The following CCSER1 variants were observed in gnomAD, a reference collection of about 807,000 sequenced individuals.
The protein encoded by CCSER1 is serine-rich coiled-coil domain-containing protein 1.
A neutral mutation model predicts 82.0 loss-of-function variants in CCSER1; 41 were observed. That is an observed-to-expected ratio of 0.50 (90% CI 0.39 to 0.65). The LOEUF is 0.65. Among genes scored for constraint, CCSER1 ranks in the 30% least tolerant of loss-of-function variants. CCSER1 has a pLI of 0.00. For missense variants in CCSER1, 1,119 were observed against 1,064.2 expected, an observed-to-expected ratio of 1.05 and a Z score of -0.72; for synonymous variants, 414 against 383.9, an observed-to-expected ratio of 1.08 and a Z score of -0.92.
Position 91,273,819 on chromosome 4 carries a change from C to A in CCSER1, c.2217+187825C>A, listed in dbSNP as rs576638381. ...TGAGAGTTTTAATCATAAAAGGATG[C>A]TAGATTTTGTTGAATGCCTTGTCTT... On this transcript the variant is annotated intron_variant, in intron 10 of 10. Transcript: ENST00000509176. Among the ~76,000 whole-genome samples, 142 of 152,204 alleles carry A rather than the reference C, an allele frequency of 9.3e-4. 2 individuals are homozygous for A. The highest frequency in any genetic ancestry group is 3.2e-3 in the African/African-American group (135 of 41,542).
intron 1 of CCSER1, among the ~76,000 whole-genome samples, chr4:90,170,817 G>C (rs921179678): frequency 6.6e-6 from 1 of 151,640 alleles, no homozygotes; most frequent in Non-Finnish European, 1.5e-5. Flanking sequence ...GAATAGTACT[G>C]CAATAAACAT....
At position 91,068,928 on chromosome 4, in the gene CCSER1, A is replaced by AT. The variant is rs1345419057; in HGVS notation, c.2173-17021dup. ...CCAGGCATGGTGGCTCATGCCTGTA[A>AT]TCCCAGCACTTTGGGAGGCTGAAGC... On this transcript the variant is annotated intron_variant, in intron 9 of 10. Transcript: ENST00000509176. 7.2e-5 allele frequency among the ~76,000 whole-genome samples: 11 copies of AT among 152,324 alleles called. No individual in the cohort carries two copies. The South Asian group carries it at 1.2e-3, about 17-fold the overall frequency.
intron 1 of CCSER1, among the ~76,000 whole-genome samples, chr4:90,240,246 G>T (rs533207140): frequency 6.6e-6 from 1 of 152,274 alleles, no homozygotes; most frequent in African/African-American, 2.4e-5. Context: ...GGGGCCTGTA[G>T]TGGACTCAGT....
chr4:91,090,589 C>T (rs1425269706), intron 10 of CCSER1, among the ~76,000 whole-genome samples: 1 of 152,128 alleles, frequency 6.6e-6, no homozygotes, highest in Non-Finnish European at 1.5e-5. Context: ...CAGGGTGGTT[C>T]TTTTGGGCTG....
intron 1 of CCSER1, among the ~76,000 whole-genome samples, chr4:90,262,325 T>C (rs76414378): frequency 0.023 from 3,529 of 152,238 alleles, 54 homozygotes; most frequent in South Asian, 0.054. Context: ...CTTGGTGCTT[T>C]TAGGGCTGAA....
intron 9 of CCSER1, among the ~76,000 whole-genome samples, chr4:90,932,982 G>GAGAGAA: frequency 5.3e-5 from 1 of 18,870 alleles, no homozygotes; most frequent in South Asian, 1.6e-3. Context: ...AAGAAAGAAA[G>GAGAGAA]AGAAAGAAAG....
At chr4:90,384,120 C>G (rs953739254) in intron 3 of CCSER1, among the ~76,000 whole-genome samples, 1 of 150,974 alleles carries the variant, frequency 6.6e-6, no homozygotes, top group African/African-American at 2.4e-5. Flanking sequence ...TTTTTTGGTG[C>G]AATCATTTTA....
At chr4:90,494,619 G>T (rs1007308408) in intron 5 of CCSER1, among the ~76,000 whole-genome samples, 2 of 152,046 alleles carry the variant, frequency 1.3e-5, no homozygotes, top group Non-Finnish European at 2.9e-5. Context: ...TATCCTTTTG[G>T]AAATTTATGC....
chr4:91,083,859 G>A (rs1723078608), intron 9 of CCSER1, among the ~76,000 whole-genome samples: 2 of 152,072 alleles, frequency 1.3e-5, no homozygotes, highest in Non-Finnish European at 1.5e-5. Flanking sequence ...AGTGATTTTG[G>A]TGACATTAAC....
At chr4:91,092,221 C>A (rs550735403) in intron 10 of CCSER1, among the ~76,000 whole-genome samples, 2 of 152,250 alleles carry the variant, frequency 1.3e-5, no homozygotes, top group African/African-American at 4.8e-5. Context: ...AGTCCCAATA[C>A]CTTTGCTGTC....
chr4:91,417,099 GA>G (rs369318354), intron 10 of CCSER1, among the ~76,000 whole-genome samples: 10 of 152,064 alleles, frequency 6.6e-5, no homozygotes, highest in South Asian at 4.2e-4. Flanking sequence ...ACAAACATAT[GA>G]AAAAAAGCCT....
At chr4:90,191,505 C>G (rs1467541054) in intron 1 of CCSER1, among the ~76,000 whole-genome samples, 1 of 151,938 alleles carries the variant, frequency 6.6e-6, no homozygotes, top group Non-Finnish European at 1.5e-5. Context: ...AGAGACAGCA[C>G]TATACCAGTA....
At chr4:90,824,603 G>C (rs1760174865) in intron 8 of CCSER1, among the ~76,000 whole-genome samples, 1 of 152,068 alleles carries the variant, frequency 6.6e-6, no homozygotes, top group Non-Finnish European at 1.5e-5. Flanking sequence ...ATTCCTGCAT[G>C]ATAAGAGAAA....
chr4:91,441,842 G>T (rs867621256), intron 10 of CCSER1, among the ~76,000 whole-genome samples: 19 of 73,036 alleles, frequency 2.6e-4, no homozygotes, highest in Middle Eastern at 6.6e-3. Context: ...CACACAGAGT[G>T]CCAAATTATG....
At chr4:91,010,964 G>A (rs1738957876) in intron 9 of CCSER1, among the ~76,000 whole-genome samples, 1 of 133,906 alleles carries the variant, frequency 7.5e-6, no homozygotes, top group Admixed American at 7.4e-5. Flanking sequence ...GTTCCTTTGG[G>A]GTGTCATATT....
chr4:90,701,845 GT>G (rs1738220466), intron 6 of CCSER1, among the ~76,000 whole-genome samples: 1 of 152,190 alleles, frequency 6.6e-6, no homozygotes, highest in African/African-American at 2.4e-5. Flanking sequence ...CTTTGCTGAA[GT>G]TGCTTATCAG....
intron 5 of CCSER1, among the ~76,000 whole-genome samples, chr4:90,609,713 C>T (rs1041007307): frequency 6.6e-6 from 1 of 152,008 alleles, no homozygotes; most frequent in South Asian, 2.1e-4. Context: ...AGAGATGTTT[C>T]GCATGGAGGG....
At chr4:90,876,539 G>A (rs1333924519) in intron 8 of CCSER1, among the ~76,000 whole-genome samples, 1 of 152,072 alleles carries the variant, frequency 6.6e-6, no homozygotes, top group African/African-American at 2.4e-5. Flanking sequence ...AAAACAAAAT[G>A]AGAACCCAAA....
chr4:90,902,934 G>T (rs1285884312), intron 8 of CCSER1, among the ~76,000 whole-genome samples: 1 of 151,944 alleles, frequency 6.6e-6, no homozygotes, highest in Non-Finnish European at 1.5e-5. Flanking sequence ...AGCAGGCAGG[G>T]ACATGATCCA....
Sources: gnomAD v4.1 joint callset for allele counts (sites outside exome capture counted in the v4.1 genomes callset) on GRCh38, gnomAD v4.1.1 for gene constraint, MANE v1.5 for transcripts, NCBI Gene and HGNC (gene_info 2026-07-23, HGNC 2026-07-21) for gene names.